Variants in HSPA14 observed in about 807,000 individuals in gnomAD.
The protein encoded by HSPA14 is heat shock 70 kDa protein 14.
A neutral mutation model predicts 65.5 loss-of-function variants in HSPA14; 37 were observed. The observed-to-expected ratio is 0.56, with a 90% CI of 0.43 to 0.74. The LOEUF (loss-of-function observed/expected upper bound fraction) is 0.74, where lower values mean the gene tolerates loss of function less well. HSPA14 is among the 30% of genes least tolerant of loss of function. The pLI, the probability that HSPA14 is intolerant of heterozygous loss-of-function variation, is 0.00. For missense variants in HSPA14, 564 were observed against 607.6 expected, an observed-to-expected ratio of 0.93 and a Z score of 0.75; for synonymous variants, 203 against 214.2, an observed-to-expected ratio of 0.95 and a Z score of 0.46.
Position 14,842,858 on chromosome 10 carries a change from G to A in HSPA14, c.221+2701G>A. On this transcript the variant is annotated intron_variant, in intron 3 of 13. Transcript: ENST00000378372. The surrounding 1 kb of genome is among the most constrained non-coding windows in gnomAD (Gnocchi z 5.2). ...ATCCTCGGGTGCAGGTAACTCCCAA[G>A]CATGTGAAGGAGTTGGGTCCCAGAG... The A allele has an allele frequency of 6.7e-7, 1 of 1,499,098 alleles. No individual in the cohort carries two copies. The highest frequency in any genetic ancestry group is 8.9e-7 in the Non-Finnish European group (1 of 1,121,508). 92.9% of individuals were successfully genotyped at this position (1,499,098 alleles called of 1,614,324 possible).
intron 9 of HSPA14, among the ~76,000 whole-genome samples, chr10:14,855,383 T>C (rs764274640): frequency 2.0e-4 from 31 of 152,320 alleles, no homozygotes; most frequent in Middle Eastern, 3.4e-3. Context: ...GCTAAACTTA[T>C]GTCCAACATG....
At position 14,840,134 on chromosome 10, in the gene HSPA14, A is replaced by G; in HGVS notation, c.198A>G (p.Lys66=). The part of the protein sequence containing the change: ...RIRNISNTVM[K]VKQILGRSSS... The stretch of plus-strand genomic sequence containing the variant: ...GAAATATTTCAAATACAGTAATGAA[A>G]GTAAAGCAGATCCTGGGCAGAAGGT... Residue 66 remains lysine (K), a synonymous_variant, in exon 3 of 14, where the codon AAA becomes AAG. Transcript: ENST00000378372. 6.8e-7 allele frequency: 1 copy of G among 1,470,762 alleles called. No individual in the cohort carries two copies. The highest frequency in any genetic ancestry group is 9.1e-7 in the Non-Finnish European group (1 of 1,098,192). 91.1% of individuals were successfully genotyped at this position (1,470,762 alleles called of 1,614,324 possible).
chr10:14,858,572 C>T (rs2131643843), intron 10 of HSPA14, among the ~76,000 whole-genome samples: 1 of 152,234 alleles, frequency 6.6e-6, no homozygotes, highest in South Asian at 2.1e-4. Context: ...GGACCCAGGC[C>T]ACAGGAGCAG....
intron 11 of HSPA14, 47 bp downstream of exon 11, chr10:14,867,342 A>G (rs1240899046): frequency 3.9e-6 from 5 of 1,282,898 alleles, no homozygotes; most frequent in Non-Finnish European, 5.6e-6. Flanking sequence ...TAGCTTTTCT[A>G]TACTTTACAT....
chr10:14,844,323 A>C, intron 3 of HSPA14: 1 of 1,039,298 alleles, frequency 9.6e-7, no homozygotes, highest in Non-Finnish European at 1.2e-6. Flanking sequence ...TAAGTTATTA[A>C]TTCATATGGC....
chr10:14,849,571 A>G (rs530994422), intron 5 of HSPA14, 150 bp from the exon 6 acceptor site: 48 of 709,546 alleles, frequency 6.8e-5, no homozygotes, highest in African/African-American at 6.1e-4. Context: ...TTCAGAGCGC[A>G]GAGAAGAAAA....
At chr10:14,866,630 C>T (rs987481046) in intron 10 of HSPA14, among the ~76,000 whole-genome samples, 14 of 151,954 alleles carry the variant, frequency 9.2e-5, no homozygotes, top group Non-Finnish European at 1.3e-4. Flanking sequence ...AATATTCTTC[C>T]ATGGTAAAGG....
chr10:14,844,252 T>G, intron 3 of HSPA14: 3 of 1,093,292 alleles, frequency 2.7e-6, no homozygotes, highest in Non-Finnish European at 3.4e-6. Context: ...AGGGTTGTTG[T>G]GAGGATCACG....
chr10:14,840,057 TATTA>T lies in HSPA14; in HGVS notation c.139-17_139-14del, dbSNP rs1564318477. On this transcript the variant is annotated splice_polypyrimidine_tract_variant and intron_variant, in intron 2 of 13. Coordinates refer to ENST00000378372, the MANE Select transcript of HSPA14 (RefSeq NM_016299.4). ...ATACATTGTAATATATATATATATA[TATTA>T]TTTTTTTTTTCAGATTGTTGGATTG... 7.4e-6 allele frequency: 9 copies of T among 1,224,202 alleles called. No homozygotes were observed. The South Asian group carries it at 1.3e-4, about 17-fold the overall frequency. 75.8% of individuals were successfully genotyped at this position (1,224,202 alleles called of 1,614,324 possible). A position where few individuals can be genotyped will look rare whatever the true frequency, so the allele number is the denominator to read the frequency against.
intron 10 of HSPA14, among the ~76,000 whole-genome samples, chr10:14,857,733 ATCTTTGAC>A (rs1210261347): frequency 6.6e-6 from 1 of 152,062 alleles, no homozygotes; most frequent in Non-Finnish European, 1.5e-5. Context: ...CTTACTCTTG[ATCTTTGAC>A]TCTGTTTCCT....
In HSPA14 at chr10:14,842,950, C is replaced by A; in HGVS notation, c.221+2793C>A. ...GTCCTCTTCAGCATAGTTCCTGTTT[C>A]TGCCTCATTCTGCCCCACGCACCTT... On this transcript the variant is annotated intron_variant, in intron 3 of 13. Coordinates refer to ENST00000378372, the MANE Select transcript of HSPA14 (RefSeq NM_016299.4). This position sits in a 1 kb window ranked among gnomAD's most constrained non-coding sequence, Gnocchi z 5.2. 1.2e-6 allele frequency: 1 copy of A among 847,032 alleles called. No homozygotes were observed. Among genetic ancestry groups the A allele is most frequent in the Non-Finnish European group, 1.8e-6 (1 of 562,150 alleles). The allele number at this position is 847,032 out of a possible 1,614,324, so 52.5% of individuals were successfully genotyped here.
chr10:14,861,328 G>A (rs1189461215), intron 10 of HSPA14, among the ~76,000 whole-genome samples: 6 of 152,166 alleles, frequency 3.9e-5, no homozygotes, highest in Non-Finnish European at 8.8e-5. Flanking sequence ...ACAAATGTAA[G>A]TTCTGATCAT....
chr10:14,843,237 C>A (rs918316195), intron 3 of HSPA14: 2 of 1,104,158 alleles, frequency 1.8e-6, no homozygotes, highest in African/African-American at 3.1e-5. Flanking sequence ...GAAATGGATT[C>A]TTCCCAGTCC....
At chr10:14,853,025 C>T (rs991297127) in intron 8 of HSPA14, among the ~76,000 whole-genome samples, 1 of 151,814 alleles carries the variant, frequency 6.6e-6, no homozygotes, top group African/African-American at 2.4e-5. Flanking sequence ...AAAATTCTAA[C>T]CCTTTTGGAT....
chr10:14,838,642 G>C, intron 1 of HSPA14, 183 bp downstream of exon 1: 1 of 584,498 alleles, frequency 1.7e-6, no homozygotes. Context: ...CGATTCCTCC[G>C]GAAAGTCGTC....
At chr10:14,857,894 A>G (rs529963017) in intron 10 of HSPA14, among the ~76,000 whole-genome samples, 1 of 151,228 alleles carries the variant, frequency 6.6e-6, no homozygotes, top group Non-Finnish European at 1.5e-5. Flanking sequence ...TTCAATAAGT[A>G]TATATTTTGT....
chr10:14,867,866 C>T lies in HSPA14; in HGVS notation c.1337C>T (p.Ser446Phe), dbSNP rs750590411. ...TCAGTGTGCCTTGAACTCTATGAGTCTGATGGGAAGAACTCTGCCAAAGAG... is the reference window on the plus strand; with the variant it reads ...TCAGTGTGCCTTGAACTCTATGAGTTTGATGGGAAGAACTCTGCCAAAGAG... ...ISSVCLELYE[S>F]DGKNSAKEET... Residue 446 changes from serine to phenylalanine, a missense_variant, in exon 12 of 14, where the codon TCT becomes TTT. Coordinates refer to ENST00000378372, the MANE Select transcript of HSPA14 (RefSeq NM_016299.4). 4 of 1,614,012 alleles carry T rather than the reference C, an allele frequency of 2.5e-6. No individual in the cohort carries two copies. In the South Asian group the frequency reaches 4.4e-5, roughly 18 times the overall value.
intron 3 of HSPA14, among the ~76,000 whole-genome samples, chr10:14,841,734 G>C (rs934985904): frequency 3.9e-5 from 6 of 152,200 alleles, no homozygotes; most frequent in Non-Finnish European, 8.8e-5. Context: ...GGCCCACACT[G>C]ACAGTCAGAT....
At position 14,854,267 on chromosome 10, in the gene HSPA14, T is replaced by A. The variant is rs1485897518; in HGVS notation, c.877T>A (p.Cys293Ser). The change falls in exon 9 of 14, where the codon TGC (cysteine) becomes AGC (serine). Residue 293 changes from cysteine (C) to serine (S), a missense_variant. Coordinates refer to ENST00000378372, the MANE Select transcript of HSPA14 (RefSeq NM_016299.4). Reference protein sequence around the residue: ...DSLYEGQDFDCNVSRARFELL... With the variant: ...DSLYEGQDFDSNVSRARFELL... ...ATTATATGAAGGTCAAGATTTTGAT[T>A]GCAATGTGTCCAGGTAAAACTGAAG... 6 of 1,606,982 alleles carry A rather than the reference T, an allele frequency of 3.7e-6. No individual in the cohort carries two copies. The highest frequency in any genetic ancestry group is 5.1e-6 in the Non-Finnish European group (6 of 1,178,104).
Sources: gnomAD v4.1 joint callset for allele counts (sites outside exome capture counted in the v4.1 genomes callset) on GRCh38, gnomAD v4.1.1 for gene constraint, Gnocchi (gnomAD v3.1) non-coding constraint, MANE v1.5 for transcripts, NCBI Gene and HGNC (gene_info 2026-07-23, HGNC 2026-07-21) for gene names.